LRRN1: variants seen among roughly 807,000 people sequenced by gnomAD.
LRRN1 encodes leucine-rich repeat neuronal protein 1.
In LRRN1, 14 loss-of-function variants were observed where a neutral mutation model predicts 45.8. That is an observed-to-expected ratio of 0.31 (90% confidence interval 0.20 to 0.48). The LOEUF is 0.48. Among genes scored for constraint, LRRN1 ranks in the 20% least tolerant of loss-of-function variants. The pLI, the probability that LRRN1 is intolerant of heterozygous loss-of-function variation, is 0.99. For missense variants in LRRN1, 789 were observed against 874.2 expected (o/e 0.90, Z 1.23); for synonymous variants, 359 against 330.1 (o/e 1.09, Z -0.95).
At chr3:3,825,960 G>C (rs1013642575) in intron 1 of LRRN1, among the ~76,000 whole-genome samples, 1 of 151,998 alleles carries the variant, frequency 6.6e-6, no homozygotes, top group Non-Finnish European at 1.5e-5. Flanking sequence ...ATATTCAGAG[G>C]TTGCAAACTG....
chr3:3,834,869 G>T (rs777113972), intron 1 of LRRN1, among the ~76,000 whole-genome samples: 51 of 151,816 alleles, frequency 3.4e-4, no homozygotes, highest in Admixed American at 4.6e-4. Context: ...ACCAGATTAA[G>T]GGTGGATCTG....
rs1693838056 is a variant in LRRN1 at position 3,849,129 on chromosome 3, G to C, written c.*2337G>C. ...GCACTGATGCATTAGACCCTCAGCA[G>C]CCTGCAATTGCAAATCTGCGAGGTT... On this transcript the variant is annotated 3_prime_UTR_variant, in exon 2 of 2. Transcript: ENST00000319331. 6.6e-6 allele frequency among the ~76,000 whole-genome samples: 1 copy of C among 152,184 alleles called. No homozygotes were observed. Among genetic ancestry groups the C allele is most frequent in the Admixed American group, 6.5e-5 (1 of 15,278 alleles).
intron 1 of LRRN1, among the ~76,000 whole-genome samples, chr3:3,822,019 G>A (rs1020330807): frequency 6.6e-6 from 1 of 152,146 alleles, no homozygotes; most frequent in Non-Finnish European, 1.5e-5. Context: ...AGACGGATTG[G>A]GATAGAAAAG....
chr3:3,822,757 A>G (rs1693131237), intron 1 of LRRN1: 1 of 152,180 alleles, frequency 6.6e-6, no homozygotes, highest in South Asian at 2.1e-4. Context: ...ATGGCCTTTG[A>G]AAATACATAC....
rs750534210 is a variant in LRRN1, at chr3:3,834,525, G to GACATATATAT, written c.-278-9838_-278-9837insCATATATATA. Among the ~76,000 whole-genome samples, 124 of 27,326 alleles carry GACATATATAT rather than the reference G, an allele frequency of 4.5e-3. 14 individuals carry two copies. Among genetic ancestry groups the GACATATATAT allele is most frequent in the Admixed American group, 0.024 (35 of 1,488 alleles). 17.9% of individuals were successfully genotyped at this position (27,326 alleles called of 152,430 possible). On this transcript the variant is annotated intron_variant, in intron 1 of 1. Coordinates refer to ENST00000319331, the MANE Select transcript of LRRN1 (RefSeq NM_020873.7). ...GCGTTCTCTTAGAGGGACAGAACAG[G>GACATATATAT]ATATATATATATATATATATATATA...
At chr3:3,810,731 G>A (rs1692854724) in intron 1 of LRRN1, among the ~76,000 whole-genome samples, 2 of 152,124 alleles carry the variant, frequency 1.3e-5, no homozygotes, top group Non-Finnish European at 2.9e-5. Context: ...AGAAAGAAAA[G>A]AAAAAGAGAC....
At chr3:3,803,408 C>CT (rs1692695743) in intron 1 of LRRN1, among the ~76,000 whole-genome samples, 1 of 152,140 alleles carries the variant, frequency 6.6e-6, no homozygotes, top group South Asian at 2.1e-4. Flanking sequence ...TTTTACGAGA[C>CT]TTGCACAATG....
chr3:3,824,663 T>C (rs1378719050), intron 1 of LRRN1, among the ~76,000 whole-genome samples: 2 of 152,174 alleles, frequency 1.3e-5, no homozygotes, highest in South Asian at 4.1e-4. Context: ...TATCCCTAAA[T>C]TGAGTGATGT....
chr3:3,811,991 A>G (rs1692883822), intron 1 of LRRN1, among the ~76,000 whole-genome samples: 1 of 152,216 alleles, frequency 6.6e-6, no homozygotes, highest in East Asian at 1.9e-4. Flanking sequence ...CCGCAAACTC[A>G]TCTGTAGAAT....
At chr3:3,808,907 C>A (rs1014314857) in intron 1 of LRRN1, among the ~76,000 whole-genome samples, 1 of 151,916 alleles carries the variant, frequency 6.6e-6, no homozygotes, top group Non-Finnish European at 1.5e-5. Flanking sequence ...TATTTATAAA[C>A]CCTCTTTAAA....
chr3:3,806,930 G>T (rs563392094), intron 1 of LRRN1, among the ~76,000 whole-genome samples: 54 of 152,198 alleles, frequency 3.5e-4, no homozygotes, highest in Non-Finnish European at 7.1e-4. Flanking sequence ...ACCCATCTAG[G>T]GGGAGACTGG....
chr3:3,801,059 C>T (rs1692641691), intron 1 of LRRN1: 1 of 152,288 alleles, frequency 6.6e-6, no homozygotes, highest in Admixed American at 6.5e-5. Context: ...CGCGCGGAAA[C>T]GCGGACCAGG....
At chr3:3,805,517 T>C (rs542202120) in intron 1 of LRRN1, among the ~76,000 whole-genome samples, 1 of 152,306 alleles carries the variant, frequency 6.6e-6, no homozygotes, top group Non-Finnish European at 1.5e-5. Flanking sequence ...TTCATGGCTC[T>C]ATCAGAGTTG....
intron 1 of LRRN1, among the ~76,000 whole-genome samples, chr3:3,813,017 GA>G (rs1250427825): frequency 1.3e-5 from 2 of 152,122 alleles, no homozygotes; most frequent in Non-Finnish European, 2.9e-5. Flanking sequence ...CTTGCTAACT[GA>G]GATCACATCA....
chr3:3,844,556 C>A lies in LRRN1; in HGVS notation c.-86C>A. ...TTTGCTTGAATGTTTACATTTTCTGCTCGCTGTCCTACATATCACAATATA... is the reference window on the plus strand; with the variant it reads ...TTTGCTTGAATGTTTACATTTTCTGATCGCTGTCCTACATATCACAATATA... On this transcript the variant is annotated 5_prime_UTR_variant, in exon 2 of 2. Coordinates refer to ENST00000319331, the MANE Select transcript of LRRN1 (RefSeq NM_020873.7). 1 of 994,534 alleles carries A rather than the reference C, an allele frequency of 1.0e-6. No homozygotes were observed. Among genetic ancestry groups the A allele is most frequent in the Non-Finnish European group, 1.5e-6 (1 of 672,648 alleles). 61.6% of individuals were successfully genotyped at this position (994,534 alleles called of 1,614,324 possible).
Position 3,844,825 on chromosome 3 carries a change from C to T in LRRN1, c.184C>T (p.Arg62Cys). 2.5e-6 allele frequency: 4 copies of T among 1,614,172 alleles called. No homozygotes were observed. The highest frequency in any genetic ancestry group is 2.5e-6 in the Non-Finnish European group (3 of 1,180,022). The change falls in exon 2 of 2, where the codon CGC becomes TGC. Residue 62 changes from arginine to cysteine, a missense_variant. Coordinates refer to ENST00000319331, the MANE Select transcript of LRRN1 (RefSeq NM_020873.7). ...EATTVDCNDL[R>C]LTRIPSNLSS... ...CACCACTGTTGATTGCAATGACCTC[C>T]GCTTAACAAGGATTCCCAGTAACCT...
At chr3:3,828,529 T>C (rs751434376) in intron 1 of LRRN1, among the ~76,000 whole-genome samples, 21 of 151,968 alleles carry the variant, frequency 1.4e-4, no homozygotes, top group Non-Finnish European at 2.8e-4. Context: ...TATCCCTCAA[T>C]CCAATCAAGT....
intron 1 of LRRN1, among the ~76,000 whole-genome samples, chr3:3,800,321 T>TGG (rs1219453781): frequency 2.7e-5 from 4 of 149,966 alleles, no homozygotes; most frequent in Non-Finnish European, 4.4e-5. Flanking sequence ...GGAAGGCAGC[T>TGG]GGGGCTGGAG....
chr3:3,845,558 A>G lies in LRRN1; in HGVS notation c.917A>G (p.Tyr306Cys), dbSNP rs375411802. The stretch of plus-strand genomic sequence containing the variant: ...GGCGAGCTCGTTTCTGTCGACCGCT[A>G]TGCCCTGGATAACTTGCCTGAACTC... ...NMGELVSVDR[Y>C]ALDNLPELTK... Residue 306 changes from tyrosine (Y) to cysteine (C), a missense_variant, in exon 2 of 2, where the codon TAT (tyrosine) becomes TGT (cysteine). Physicochemically the swap from Tyr to Cys is radical, Grantham distance 194 (BLOSUM62 -2). Transcript: ENST00000319331. This position sits in a 1 kb window ranked among gnomAD's most constrained non-coding sequence, Gnocchi z 6.5. The G allele has an allele frequency of 4.3e-6, 7 of 1,614,028 alleles. No homozygotes were observed. Among genetic ancestry groups the G allele is most frequent in the African/African-American group, 4.0e-5 (3 of 74,920 alleles).
Sources: gnomAD v4.1 joint callset for allele counts (sites outside exome capture counted in the v4.1 genomes callset) on GRCh38, gnomAD v4.1.1 for gene constraint, Gnocchi (gnomAD v3.1) non-coding constraint, MANE v1.5 for transcripts, NCBI Gene and HGNC (gene_info 2026-07-23, HGNC 2026-07-21) for gene names.